Variants in CASP8 observed in about 807,000 individuals in gnomAD.
CASP8 encodes caspase 8.
In CASP8, 24 loss-of-function variants were observed where a neutral mutation model predicts 46.3. The ratio of observed to expected loss-of-function variants is 0.52; its 90% CI spans 0.38 to 0.73. The LOEUF is 0.73. Ranked by LOEUF, CASP8 falls within the 30% of genes least tolerant of loss-of-function variation. The pLI is 0.00. For missense variants in CASP8, 460 were observed against 559.0 expected (o/e 0.82, Z 1.79); for synonymous variants, 188 against 200.4 (o/e 0.94, Z 0.52).
chr2:201,285,055 C>G lies in CASP8; in HGVS notation c.1042C>G (p.Leu348Val), dbSNP rs1242650624. The G allele has an allele frequency of 6.2e-7, 1 of 1,614,194 alleles. No homozygotes were observed. Among genetic ancestry groups the G allele is most frequent in the Non-Finnish European group, 8.5e-7 (1 of 1,180,036 alleles). The change falls in exon 8 of 9, where the codon CTT becomes GTT. Residue 348 changes from leucine to valine, a missense_variant. Coordinates refer to ENST00000673742, the MANE Select transcript of CASP8 (RefSeq NM_001372051.1). ...SQFTGLKCPS[L>V]AGKPKVFFIQ... ...GTTCACTGGTTTGAAGTGCCCTTCC[C>G]TTGCTGGAAAACCCAAAGTGTTTTT...
At chr2:201,259,159 G>A (rs1467755026), upstream of CASP8, among the ~76,000 whole-genome samples, 2 of 152,036 alleles carry the variant, frequency 1.3e-5, no homozygotes, top group Non-Finnish European at 2.9e-5. Flanking sequence ...TGCTCATTCT[G>A]TTTCTATTTC....
At chr2:201,253,641 G>T (rs1946885946) in intron 2 of CASP8, among the ~76,000 whole-genome samples, 2 of 152,034 alleles carry the variant, frequency 1.3e-5, no homozygotes, top group South Asian at 4.2e-4. Context: ...TAAATTTTAT[G>T]GTATATATAT....
intron 2 of CASP8, among the ~76,000 whole-genome samples, chr2:201,238,718 C>A (rs1309259624): frequency 6.6e-6 from 1 of 152,212 alleles, no homozygotes; most frequent in African/African-American, 2.4e-5. Context: ...GCTAGGATTA[C>A]AGGTGTGAGC....
intron 5 of CASP8, 114 bp downstream of exon 5, chr2:201,273,056 TTC>T: frequency 6.1e-6 from 5 of 820,504 alleles, no homozygotes; most frequent in East Asian, 2.6e-5. Context: ...GCTCTACTTT[TTC>T]TTTTTTTTTT....
At chr2:201,258,627 G>A (rs998175756), upstream of CASP8, among the ~76,000 whole-genome samples, 5 of 152,172 alleles carry the variant, frequency 3.3e-5, no homozygotes, top group Non-Finnish European at 7.3e-5. Context: ...TGTCCTCCAA[G>A]CTTCCCTGCC....
intron 1 of CASP8, among the ~76,000 whole-genome samples, chr2:201,264,164 A>G (rs900493221): frequency 4.6e-5 from 7 of 152,236 alleles, no homozygotes; most frequent in African/African-American, 1.7e-4. Context: ...TCCCTGGAAT[A>G]TGATTAATAG....
chr2:201,264,714 C>T (rs904942068), intron 1 of CASP8, among the ~76,000 whole-genome samples: 1 of 152,144 alleles, frequency 6.6e-6, no homozygotes, highest in African/African-American at 2.4e-5. Flanking sequence ...CTCCTGTAGT[C>T]TCAGCTACTC....
At chr2:201,252,977 TC>T (rs1218851068) in intron 2 of CASP8, among the ~76,000 whole-genome samples, 1 of 152,012 alleles carries the variant, frequency 6.6e-6, no homozygotes, top group African/African-American at 2.4e-5. Context: ...GGAATAACCC[TC>T]CCAACATCTG....
Position 201,269,523 on chromosome 2 carries a change from C to T in CASP8, c.306-1993C>T, listed in dbSNP as rs773675844. ...GGTCCTTTGAAGGTTCCACTTCTGCCGCATGAGCTGGGCTGAAGCAAACAG... is the reference window on the plus strand; with the variant it reads ...GGTCCTTTGAAGGTTCCACTTCTGCTGCATGAGCTGGGCTGAAGCAAACAG... On this transcript the variant is annotated intron_variant, in intron 2 of 8. Coordinates refer to ENST00000673742, the MANE Select transcript of CASP8 (RefSeq NM_001372051.1). 8.1e-6 allele frequency: 13 copies of T among 1,613,078 alleles called. No homozygotes were observed. The highest frequency in any genetic ancestry group is 3.3e-4 in the Middle Eastern group (2 of 6,048).
intron 7 of CASP8, among the ~76,000 whole-genome samples, chr2:201,283,671 A>G (rs1316934734): frequency 1.3e-5 from 1 of 78,164 alleles, no homozygotes; most frequent in Non-Finnish European, 3.0e-5. Context: ...CACCTCCCGG[A>G]CGGGGCGGAT....
rs1949582349 is a variant in CASP8, at chr2:201,286,748, TG to T, written c.*157del. 1 of 630,932 alleles carries T rather than the reference TG, an allele frequency of 1.6e-6. No individual in the cohort carries two copies. The highest frequency in any genetic ancestry group is 2.8e-6 in the Non-Finnish European group (1 of 352,842). The allele number at this position is 630,932 out of a possible 1,614,324, so 39.1% of individuals were successfully genotyped here. ...CTCCTGCCTCAGCCTCCCGAGTAGCTGGGACTACAGGGGCCCGCCACCACAC... is the reference window on the plus strand; with the variant it reads ...CTCCTGCCTCAGCCTCCCGAGTAGCTGGACTACAGGGGCCCGCCACCACAC... On this transcript the variant is annotated 3_prime_UTR_variant, in exon 9 of 9. Transcript: ENST00000673742.
At chr2:201,247,711 C>G (rs1553596834) in intron 2 of CASP8, among the ~76,000 whole-genome samples, 1 of 151,938 alleles carries the variant, frequency 6.6e-6, no homozygotes, top group African/African-American at 2.4e-5. Flanking sequence ...GTGGTGCGAT[C>G]TCGGCTCACT....
intron 2 of CASP8, among the ~76,000 whole-genome samples, chr2:201,239,300 G>A (rs529984396): frequency 6.6e-6 from 1 of 152,196 alleles, no homozygotes; most frequent in East Asian, 1.9e-4. Context: ...CCCAGACGGG[G>A]TGGTGGCCGG....
At chr2:201,269,617 C>T in intron 2 of CASP8, 1 of 1,590,234 alleles carries the variant, frequency 6.3e-7, no homozygotes, top group Non-Finnish European at 8.6e-7. Flanking sequence ...CAGGATCTCT[C>T]TTAAAATCTT....
intron 2 of CASP8, among the ~76,000 whole-genome samples, chr2:201,237,931 TCAAA>T (rs1249835841): frequency 1.7e-4 from 26 of 152,318 alleles, no homozygotes; most frequent in Admixed American, 1.4e-3. Context: ...TGCGATCTCA[TCAAA>T]CAATCTTGAT....
intron 2 of CASP8, among the ~76,000 whole-genome samples, chr2:201,238,056 T>C (rs1022351623): frequency 3.3e-5 from 5 of 152,324 alleles, no homozygotes; most frequent in Middle Eastern, 3.4e-3. Flanking sequence ...GCAGTCAGGG[T>C]AGACTTCCTG....
intron 2 of CASP8, among the ~76,000 whole-genome samples, chr2:201,251,149 AT>A (rs1946760567): frequency 6.6e-6 from 1 of 152,234 alleles, no homozygotes; most frequent in South Asian, 2.1e-4. Context: ...TTATCCATTC[AT>A]TTATTGAGGG....
In CASP8 at chr2:201,266,645, G is replaced by C. The variant is rs200261147; in HGVS notation, c.159G>C (p.Met53Ile). The stretch of plus-strand genomic sequence containing the variant: ...TCCAGAGACTCCAGGAAAAGAGAAT[G>C]TTGGAGGAAAGCAATCTGTCCTTCC... ...MLFQRLQEKR[M>I]LEESNLSFLK... Residue 53 changes from methionine to isoleucine, a missense_variant, in exon 2 of 9, where the codon ATG (methionine) becomes ATC (isoleucine). Met to Ile is a conservative substitution (Grantham distance 10, BLOSUM62 1). Coordinates refer to ENST00000673742, the MANE Select transcript of CASP8 (RefSeq NM_001372051.1). This position sits in a 1 kb window ranked among gnomAD's most constrained non-coding sequence, Gnocchi z 5.7. The C allele has an allele frequency of 5.0e-6, 8 of 1,614,180 alleles. No homozygotes were observed. The Admixed American group carries it at 1.3e-4, about 27-fold the overall frequency.
At chr2:201,240,053 A>T (rs1271335319) in intron 2 of CASP8, among the ~76,000 whole-genome samples, 1 of 152,150 alleles carries the variant, frequency 6.6e-6, no homozygotes, top group East Asian at 1.9e-4. Context: ...ATGTTACTCA[A>T]ATAGGCCCAT....
Sources: allele counts gnomAD v4.1 joint callset (sites outside exome capture counted in the v4.1 genomes callset), GRCh38; gene constraint gnomAD v4.1.1; non-coding constraint Gnocchi (gnomAD v3.1); transcripts MANE v1.5; gene names NCBI Gene and HGNC (gene_info 2026-07-23, HGNC 2026-07-21).